C5: variants seen among roughly 807,000 people sequenced by gnomAD.
C5 encodes the protein C3 and PZP-like alpha-2-macroglobulin domain-containing protein 4.
A neutral mutation model predicts 218.8 loss-of-function variants in C5; 140 were observed. The ratio of observed to expected loss-of-function variants is 0.64; its 90% CI spans 0.56 to 0.74. The LOEUF (loss-of-function observed/expected upper bound fraction) is 0.74, where lower values mean the gene tolerates loss of function less well. Among genes scored for constraint, C5 ranks in the 30% least tolerant of loss-of-function variants. The pLI is 0.00. For missense variants in C5, 1,700 were observed against 1,969.6 expected, an observed-to-expected ratio of 0.86 and a Z score of 2.59; for synonymous variants, 614 against 682.3, an observed-to-expected ratio of 0.90 and a Z score of 1.56.
At chr9:121,009,521 T>C (rs7027797) in intron 17 of C5, among the ~76,000 whole-genome samples, 15,935 of 152,252 alleles carry the variant, frequency 0.1, 883 homozygotes, top group African/African-American at 0.14. Context: ...GAGAGACTTC[T>C]ATCCAGCTGA....
intron 29 of C5, among the ~76,000 whole-genome samples, chr9:120,975,551 G>T (rs547972166): frequency 1.3e-5 from 2 of 152,206 alleles, no homozygotes; most frequent in East Asian, 3.9e-4. Context: ...TTGGGTCATG[G>T]GGCGTACCAC....
chr9:121,024,791 T>G (rs1013532566), intron 9 of C5, among the ~76,000 whole-genome samples: 3 of 152,226 alleles, frequency 2.0e-5, no homozygotes, highest in African/African-American at 4.8e-5. Context: ...CTTGCAACAG[T>G]TCTTTCTTCA....
chr9:120,989,701 A>G lies in C5; in HGVS notation c.3021T>C (p.Ser1007=). The G allele has an allele frequency of 6.2e-7, 1 of 1,614,036 alleles. No homozygotes were observed. ...INILTHLPKG[S]AEAELMSVVP... is the part of the protein sequence containing the mutation. ...CAACGCTCATCAGCTCCGCCTCTGC[A>G]CTCCCTTTGGGGAGGTGGGTTAGGA... The change falls in exon 24 of 41, where the codon AGT becomes AGC. Residue 1007 remains serine, a synonymous_variant. Transcript: ENST00000223642.
Position 120,978,160 on chromosome 9 carries a change from C to T in C5, c.3659-1255G>A, listed in dbSNP as rs114284596. 8.6e-3 allele frequency among the ~76,000 whole-genome samples: 1,307 copies of T among 152,200 alleles called. 15 individuals carry two copies. Among genetic ancestry groups the T allele is most frequent in the African/African-American group, 0.03 (1,225 of 41,522 alleles). The stretch of plus-strand genomic sequence containing the variant: ...AGCACTCAAGACAATTTCGTACATG[C>T]AGCACTTTTCATAAATTAGGCTGTA... On this transcript the variant is annotated intron_variant, in intron 28 of 40. Transcript: ENST00000223642.
chr9:121,038,746 T>C (rs2047551925), intron 3 of C5, among the ~76,000 whole-genome samples: 1 of 152,184 alleles, frequency 6.6e-6, no homozygotes, highest in Non-Finnish European at 1.5e-5. Context: ...AAAATAGAAC[T>C]GGCACCATAA....
intron 29 of C5, 76 bp from the exon 30 acceptor site, chr9:120,975,007 G>A (rs1182239928): frequency 6.6e-7 from 1 of 1,508,162 alleles, no homozygotes; most frequent in Admixed American, 1.7e-5. Context: ...CCCTTTTTAT[G>A]AGAGGGTAGG....
At chr9:120,990,682 T>A in intron 23 of C5, among the ~76,000 whole-genome samples, 1 of 152,328 alleles carries the variant, frequency 6.6e-6, no homozygotes, top group East Asian at 1.9e-4. Context: ...AATCTCTTGA[T>A]GCCTTGATCT....
At chr9:121,010,167 T>C (rs2047250097) in intron 17 of C5, among the ~76,000 whole-genome samples, 1 of 152,164 alleles carries the variant, frequency 6.6e-6, no homozygotes, top group Non-Finnish European at 1.5e-5. Context: ...ATAAAGGTCA[T>C]CCAAACTAGA....
At chr9:120,971,171 C>CAA (rs1156915974) in intron 31 of C5, among the ~76,000 whole-genome samples, 10,107 of 57,650 alleles carry the variant, frequency 0.18, 551 homozygotes, top group African/African-American at 0.25. Context: ...GACTCCATCT[C>CAA]AAAAAAAAAA....
chr9:121,051,848 C>A (rs1164839966), upstream of C5, among the ~76,000 whole-genome samples: 1 of 152,080 alleles, frequency 6.6e-6, no homozygotes, highest in African/African-American at 2.4e-5. Flanking sequence ...AGCTGGGTTG[C>A]AAAAGATGGG....
chr9:121,073,985 T>C, the C5 span, among the ~76,000 whole-genome samples: 1 of 152,080 alleles, frequency 6.6e-6, no homozygotes, highest in Admixed American at 6.5e-5. Context: ...CAGGATAGAA[T>C]GATCGCGAGA....
intron 8 of C5, 100 bp from the exon 9 acceptor site, chr9:121,025,680 G>T: frequency 8.6e-7 from 1 of 1,167,776 alleles, no homozygotes; most frequent in Non-Finnish European, 1.3e-6. Context: ...GAAGGTAAAT[G>T]TCAGAAGAAT....
chr9:121,007,909 T>C (rs1222889533), intron 18 of C5, among the ~76,000 whole-genome samples: 1 of 152,196 alleles, frequency 6.6e-6, no homozygotes, highest in African/African-American at 2.4e-5. Flanking sequence ...TTTGAACTCA[T>C]TCCTTGCCTT....
the C5 span, among the ~76,000 whole-genome samples, chr9:121,055,527 T>G: frequency 1.3e-5 from 2 of 152,074 alleles, no homozygotes; most frequent in Non-Finnish European, 2.9e-5. Context: ...GTCTTGCAAC[T>G]TGGGTATCAG....
intron 25 of C5, among the ~76,000 whole-genome samples, chr9:120,984,274 A>T (rs986564415): frequency 6.6e-6 from 1 of 152,104 alleles, no homozygotes; most frequent in Non-Finnish European, 1.5e-5. Context: ...TTCTTTCTCT[A>T]GAAACATCAG....
intron 37 of C5, 91 bp downstream of exon 37, chr9:120,961,391 G>C (rs1427927699): frequency 2.5e-6 from 2 of 810,056 alleles, no homozygotes; most frequent in Admixed American, 3.7e-5. Context: ...AGAAAGAACA[G>C]TTTACCAAAC....
chr9:121,006,025 A>C lies in C5; in HGVS notation c.2456T>G (p.Val819Gly), dbSNP rs753583537. The C allele has an allele frequency of 6.2e-7, 1 of 1,613,808 alleles. No individual in the cohort carries two copies. The highest frequency in any genetic ancestry group is 8.5e-7 in the Non-Finnish European group (1 of 1,179,806). ...ICVADTVKAK[V>G]FKDVFLEMNI... Reference sequence around the variant, plus strand: ...CATTTCCAGGAAGACATCTTTGAACACCTTTGCCTTGACAGTATCAGCAAC... The same window carrying C: ...CATTTCCAGGAAGACATCTTTGAACCCCTTTGCCTTGACAGTATCAGCAAC... Residue 819 changes from valine (V) to glycine (G), a missense_variant, in exon 20 of 41, where the codon GTG becomes GGG. Transcript: ENST00000223642.
At chr9:121,064,626 A>G in the C5 span, among the ~76,000 whole-genome samples, 1 of 152,232 alleles carries the variant, frequency 6.6e-6, no homozygotes, top group Non-Finnish European at 1.5e-5. Flanking sequence ...ATTTCTATCA[A>G]TTAAATTTTT....
chr9:120,970,428 A>G (rs2046902459), intron 31 of C5, among the ~76,000 whole-genome samples, 177 bp from the exon 32 acceptor site: 1 of 152,148 alleles, frequency 6.6e-6, no homozygotes, highest in Non-Finnish European at 1.5e-5. Flanking sequence ...CAAACTCCAT[A>G]ATCTAAACCT....
Sources: gnomAD v4.1 joint callset for allele counts (sites outside exome capture counted in the v4.1 genomes callset) on GRCh38, gnomAD v4.1.1 for gene constraint, MANE v1.5 for transcripts, NCBI Gene and HGNC (gene_info 2026-07-23, HGNC 2026-07-21) for gene names.